Variants in AGBL1 observed in about 807,000 individuals in gnomAD.
AGBL1 encodes the protein cytosolic carboxypeptidase 4.
In AGBL1, 130 loss-of-function variants were observed where a neutral mutation model predicts 118.9. That is an observed-to-expected ratio of 1.09 (90% CI 0.95 to 1.26). AGBL1 has a LOEUF of 1.26. Among genes scored for constraint, AGBL1 ranks in the 50% most tolerant of loss-of-function variants. AGBL1 has a pLI of 0.00. For synonymous variants in AGBL1, 555 were observed against 478.9 expected, an observed-to-expected ratio of 1.16 and a Z score of -2.08; for missense variants, 1,584 against 1,298.1, an observed-to-expected ratio of 1.22 and a Z score of -3.38.
At chr15:86,308,125 A>T (rs74027503) in intron 17 of AGBL1, among the ~76,000 whole-genome samples, 1 of 152,238 alleles carries the variant, frequency 6.6e-6, no homozygotes, top group Non-Finnish European at 1.5e-5. Context: ...TATTTTAAAG[A>T]TTAAACTATG....
At chr15:86,891,948 G>A (rs2080058555) in intron 22 of AGBL1, among the ~76,000 whole-genome samples, 1 of 152,140 alleles carries the variant, frequency 6.6e-6, no homozygotes, top group Non-Finnish European at 1.5e-5. Context: ...GGGCCACTCA[G>A]TACTCAGAGG....
In AGBL1 at chr15:86,388,022, C is replaced by T. The variant is rs1054844331; in HGVS notation, c.2375-9344C>T. 2.0e-5 allele frequency among the ~76,000 whole-genome samples: 3 copies of T among 152,112 alleles called. No individual in the cohort carries two copies. In the East Asian group the frequency reaches 5.8e-4, roughly 29 times the overall value. On this transcript the variant is annotated intron_variant, in intron 17 of 22. Coordinates refer to ENST00000614907, the MANE Select transcript of AGBL1 (RefSeq NM_001386094.1). ...GGGTAGGGCTGAAGAAGAACAATTT[C>T]TGGTGAAGGCAAATGGTTTGGAAAT...
chr15:86,595,213 G>T (rs1228759931), intron 21 of AGBL1, among the ~76,000 whole-genome samples: 1 of 152,116 alleles, frequency 6.6e-6, no homozygotes, highest in Non-Finnish European at 1.5e-5. Context: ...ATAACTTAAA[G>T]TGTCACCTCT....
chr15:86,589,876 A>T (rs2084308394), intron 21 of AGBL1, among the ~76,000 whole-genome samples: 1 of 152,136 alleles, frequency 6.6e-6, no homozygotes, highest in Non-Finnish European at 1.5e-5. Flanking sequence ...ATATTTCTGT[A>T]TGCATTTCCT....
intron 22 of AGBL1, among the ~76,000 whole-genome samples, chr15:86,826,407 AT>A (rs1017215529): frequency 2.0e-5 from 3 of 152,152 alleles, no homozygotes; most frequent in Admixed American, 6.6e-5. Context: ...AAATATTAGA[AT>A]TGATTTATTA....
rs751166688 is a variant in AGBL1, at chr15:86,760,005, C to A, written c.3158+85569C>A. Among the ~76,000 whole-genome samples the A allele has an allele frequency of 1.2e-4, 18 of 152,044 alleles. 1 individual carries two copies. The highest frequency in any genetic ancestry group is 1.8e-4 in the Non-Finnish European group (12 of 67,970). Reference sequence around the variant, plus strand: ...AGCAGCAGGCTTCCATTTATAGGAACTGTAGGAACCTTCCCCTATGTCTGG... The same window carrying A: ...AGCAGCAGGCTTCCATTTATAGGAAATGTAGGAACCTTCCCCTATGTCTGG... On this transcript the variant is annotated intron_variant, in intron 22 of 22. Transcript: ENST00000614907.
At chr15:86,539,728 A>G (rs529340894) in intron 19 of AGBL1, among the ~76,000 whole-genome samples, 3 of 152,308 alleles carry the variant, frequency 2.0e-5, no homozygotes, top group Admixed American at 6.5e-5. Flanking sequence ...AGTAAGGTTC[A>G]TCTTATGTAT....
intron 22 of AGBL1, among the ~76,000 whole-genome samples, chr15:86,857,596 T>C (rs990996488): frequency 1.3e-5 from 2 of 152,218 alleles, no homozygotes; most frequent in Non-Finnish European, 2.9e-5. Flanking sequence ...TATGGAGGCC[T>C]TCCCCGACCC....
intron 22 of AGBL1, among the ~76,000 whole-genome samples, chr15:86,858,841 G>A (rs1356973490): frequency 6.6e-6 from 1 of 152,126 alleles, no homozygotes; most frequent in African/African-American, 2.4e-5. Flanking sequence ...TACTGCATGT[G>A]GACTCCAGAC....
chr15:86,332,884 T>C (rs2080297419), intron 17 of AGBL1, among the ~76,000 whole-genome samples: 1 of 152,104 alleles, frequency 6.6e-6, no homozygotes, highest in Non-Finnish European at 1.5e-5. Flanking sequence ...AAAAATCCTC[T>C]GCTCTCTCAA....
chr15:86,257,388 A>C (rs779677535), intron 8 of AGBL1, among the ~76,000 whole-genome samples: 1 of 152,084 alleles, frequency 6.6e-6, no homozygotes, highest in African/African-American at 2.4e-5. Flanking sequence ...TTGAAATAAA[A>C]CTCTTGTTAT....
At chr15:86,886,497 T>G (rs112149464) in intron 22 of AGBL1, among the ~76,000 whole-genome samples, 3 of 152,314 alleles carry the variant, frequency 2.0e-5, no homozygotes, top group African/African-American at 7.2e-5. Context: ...AGAATTATTC[T>G]GCCTTTCTTT....
At chr15:86,918,497 C>T (rs1045307970), downstream of AGBL1, among the ~76,000 whole-genome samples, 64 of 151,768 alleles carry the variant, frequency 4.2e-4, no homozygotes, top group African/African-American at 1.1e-3. Flanking sequence ...CGTATCATGC[C>T]GCTGCACTCC....
intron 22 of AGBL1, among the ~76,000 whole-genome samples, chr15:86,817,463 T>TACACAAAC (rs1555453340): frequency 8.2e-5 from 11 of 133,490 alleles, no homozygotes; most frequent in African/African-American, 3.2e-4. Context: ...CTCTGAGAGA[T>TACACAAAC]ACACACACAC....
In AGBL1 at chr15:86,908,957, T is replaced by G. The variant is rs2080315877; in HGVS notation, c.*1663T>G. The G allele has an allele frequency of 6.6e-6, 1 of 152,246 alleles. No homozygotes were observed. The highest frequency in any genetic ancestry group is 2.4e-5 in the African/African-American group (1 of 41,468). 9.4% of individuals were successfully genotyped at this position (152,246 alleles called of 1,614,324 possible). A position where few individuals can be genotyped will look rare whatever the true frequency, so the allele number is the denominator to read the frequency against. On this transcript the variant is annotated 3_prime_UTR_variant, in exon 23 of 23. Transcript: ENST00000614907. Reference sequence around the variant, plus strand: ...GACCAGTCCTAGTGTCATGGCTGCATGGTGTCAGAGACCTGGCTTCTGCAG... The same window carrying G: ...GACCAGTCCTAGTGTCATGGCTGCAGGGTGTCAGAGACCTGGCTTCTGCAG...
chr15:86,163,780 A>T (rs974380266), intron 5 of AGBL1, among the ~76,000 whole-genome samples: 33 of 152,022 alleles, frequency 2.2e-4, no homozygotes, highest in Admixed American at 3.3e-4. Flanking sequence ...GAAATATTTT[A>T]AAAAAAATTA....
chr15:86,955,904 T>C (rs965313986), intron 23 of AGBL1, among the ~76,000 whole-genome samples: 2 of 151,956 alleles, frequency 1.3e-5, no homozygotes, highest in African/African-American at 2.4e-5. Flanking sequence ...ATTGTGGCCA[T>C]GGAGAAACTC....
chr15:86,509,048 G>C (rs55813940), intron 18 of AGBL1, among the ~76,000 whole-genome samples: 180 of 152,212 alleles, frequency 1.2e-3, no homozygotes, highest in African/African-American at 4.1e-3. Context: ...GATACTGAGA[G>C]TCTAAAATTT....
chr15:86,474,729 G>C (rs960154049), intron 18 of AGBL1, among the ~76,000 whole-genome samples: 3 of 152,166 alleles, frequency 2.0e-5, no homozygotes, highest in Non-Finnish European at 4.4e-5. Flanking sequence ...AGACAGTAGT[G>C]GTTCTCCCAG....
Sources: gnomAD v4.1 joint callset for allele counts (sites outside exome capture counted in the v4.1 genomes callset) on GRCh38, gnomAD v4.1.1 for gene constraint, MANE v1.5 for transcripts, NCBI Gene and HGNC (gene_info 2026-07-23, HGNC 2026-07-21) for gene names.